Variants in CCDC154 observed in about 807,000 individuals in gnomAD.
CCDC154 encodes coiled-coil domain-containing protein 154.
A neutral mutation model predicts 87.5 loss-of-function variants in CCDC154; 91 were observed. The observed-to-expected ratio is 1.04, with a 90% CI of 0.88 to 1.24. The LOEUF is 1.24. Ranked by LOEUF, CCDC154 falls within the 50% of genes most tolerant of loss-of-function variation. The pLI, the probability that CCDC154 is intolerant of heterozygous loss-of-function variation, is 0.00. For synonymous variants in CCDC154, 418 were observed against 400.4 expected, an observed-to-expected ratio of 1.04 and a Z score of -0.52; for missense variants, 903 against 879.2, an observed-to-expected ratio of 1.03 and a Z score of -0.34.
Position 1,435,175 on chromosome 16 carries a change from A to G in CCDC154, c.1606T>C (p.Phe536Leu), listed in dbSNP as rs1289895466. ...TCCAGCTTCATTATTTGGTTCTGAA[A>G]CTAAACATGGCCCCCATTTGGGCAC... Reference protein sequence around the residue: ...IAEMQGKLATFQNQIMKLENC... With the variant: ...IAEMQGKLATLQNQIMKLENC... Residue 536 changes from phenylalanine (F) to leucine (L), a missense_variant and splice_region_variant, in exon 15 of 17, where the codon TTT (phenylalanine) becomes CTT (leucine). Phe to Leu is a conservative substitution (Grantham distance 22, BLOSUM62 0). Coordinates refer to ENST00000389176, the MANE Select transcript of CCDC154 (RefSeq NM_001143980.3). 1.2e-5 allele frequency: 19 copies of G among 1,550,330 alleles called. No homozygotes were observed. Among genetic ancestry groups the G allele is most frequent in the Admixed American group, 2.0e-5 (1 of 50,978 alleles).
rs2038531044 is a variant in CCDC154 at position 1,439,327 on chromosome 16, A to G, written c.676-201T>C. On this transcript the variant is annotated intron_variant, in intron 6 of 16. Coordinates refer to ENST00000389176, the MANE Select transcript of CCDC154 (RefSeq NM_001143980.3). ...TCTGTACCCAGACGACCAACCAGGC[A>G]TGGGTTTGTGAAGCATGAGAAGGCC... 10 of 594,802 alleles carry G rather than the reference A, an allele frequency of 1.7e-5. 1 individual carries two copies. In the South Asian group the frequency reaches 2.0e-4, roughly 12 times the overall value. 36.8% of individuals were successfully genotyped at this position (594,802 alleles called of 1,614,324 possible).
chr16:1,442,823 G>A, intron 5 of CCDC154, 57 bp downstream of exon 5: 7 of 1,478,448 alleles, frequency 4.7e-6, no homozygotes, highest in Non-Finnish European at 6.4e-6. Flanking sequence ...CTCAGCCAGG[G>A]ACTCTCAAAT....
chr16:1,435,874 G>A lies in CCDC154; in HGVS notation c.1605+95C>T, dbSNP rs557053267. ...TCTCCTGCTGGCTGGAAAATGCCCC[G>A]TAGGCTGGGGGTCCTGCCTCTCCGC... On this transcript the variant is annotated intron_variant, in intron 14 of 16. Coordinates refer to ENST00000389176, the MANE Select transcript of CCDC154 (RefSeq NM_001143980.3). 968 of 1,069,920 alleles carry A rather than the reference G, an allele frequency of 9.0e-4. 5 individuals carry two copies. In the Middle Eastern group the frequency reaches 0.016, roughly 18 times the overall value. 66.3% of individuals were successfully genotyped at this position (1,069,920 alleles called of 1,614,324 possible).
At chr16:1,439,834 A>G (rs915488876) in intron 6 of CCDC154, among the ~76,000 whole-genome samples, 1 of 152,164 alleles carries the variant, frequency 6.6e-6, no homozygotes, top group Non-Finnish European at 1.5e-5. Flanking sequence ...CATGTAAAAA[A>G]TGTTCCTGTG....
chr16:1,438,579 TC>T, intron 9 of CCDC154, 39 bp downstream of exon 9: 3 of 1,515,454 alleles, frequency 2.0e-6, no homozygotes, highest in Non-Finnish European at 1.8e-6. Context: ...ACATCAGGGG[TC>T]CCCCCGCCTG....
rs1189010266 is a variant in CCDC154, at chr16:1,444,508, C to A, written c.-186G>T. The A allele has an allele frequency of 8.5e-6, 4 of 469,858 alleles. No individual in the cohort carries two copies. Among genetic ancestry groups the A allele is most frequent in the African/African-American group, 8.2e-5 (4 of 48,586 alleles). The allele number at this position is 469,858 out of a possible 1,614,324, so 29.1% of individuals were successfully genotyped here. On this transcript the variant is annotated 5_prime_UTR_variant, in exon 1 of 17. Transcript: ENST00000389176. ...TGCCTTCTCAGGGTCCCCAGGGAGGCAGGTGTGGGGCAGCGGGGCCGTTCC... is the reference window on the plus strand; with the variant it reads ...TGCCTTCTCAGGGTCCCCAGGGAGGAAGGTGTGGGGCAGCGGGGCCGTTCC...
Position 1,434,706 on chromosome 16 carries a change from C to A in CCDC154, c.1839G>T (p.Val613=). ...ACACGCCCCAGCAGTTCATGGGCACCACCTTGCCAGGCGCCATGTCCTTGA... is the reference window on the plus strand; with the variant it reads ...ACACGCCCCAGCAGTTCATGGGCACAACCTTGCCAGGCGCCATGTCCTTGA... ...VFIKDMAPGK[V]VPMNCWGVYQ... Residue 613 remains valine (V), a synonymous_variant, in exon 16 of 17, where the codon GTG becomes GTT. Coordinates refer to ENST00000389176, the MANE Select transcript of CCDC154 (RefSeq NM_001143980.3). 1 of 1,547,014 alleles carries A rather than the reference C, an allele frequency of 6.5e-7. No homozygotes were observed. Among genetic ancestry groups the A allele is most frequent in the Non-Finnish European group, 8.7e-7 (1 of 1,146,806 alleles).
intron 11 of CCDC154, 69 bp from the exon 12 acceptor site, chr16:1,436,880 C>T (rs541671749): frequency 2.0e-5 from 31 of 1,535,844 alleles, no homozygotes; most frequent in South Asian, 1.3e-4. Flanking sequence ...AAGACGGACA[C>T]GGGGAGCTCT....
chr16:1,435,594 T>G (rs1430584054), intron 14 of CCDC154, among the ~76,000 whole-genome samples: 1 of 152,212 alleles, frequency 6.6e-6, no homozygotes, highest in Non-Finnish European at 1.5e-5. Flanking sequence ...GGCGCGATCT[T>G]GGCTCACCGC....
intron 14 of CCDC154, 79 bp downstream of exon 14, chr16:1,435,890 G>C: frequency 8.1e-7 from 1 of 1,229,268 alleles, no homozygotes; most frequent in Non-Finnish European, 1.1e-6. Context: ...TGGGGGTCCT[G>C]CCTCTCCGCA....
chr16:1,442,341 G>A (rs962399771), intron 6 of CCDC154, 65 bp downstream of exon 6: 66 of 1,471,070 alleles, frequency 4.5e-5, no homozygotes, highest in East Asian at 4.3e-4. Context: ...GGCACAGGCC[G>A]AGAGGGTTAG....
chr16:1,435,203 A>T, intron 14 of CCDC154, 28 bp from the exon 15 acceptor site: 4 of 1,542,166 alleles, frequency 2.6e-6, no homozygotes, highest in Non-Finnish European at 3.5e-6. Flanking sequence ...TTGGGCACAG[A>T]CAGGGCCAGT....
chr16:1,443,355 TG>T, intron 3 of CCDC154, 54 bp from the exon 4 acceptor site: 1 of 1,526,648 alleles, frequency 6.6e-7, no homozygotes, highest in South Asian at 1.2e-5. Flanking sequence ...GTCTGGCACC[TG>T]CCCCTGGAGT....
chr16:1,442,305 C>A (rs893101850), intron 6 of CCDC154, 101 bp downstream of exon 6: 24 of 1,291,830 alleles, frequency 1.9e-5, no homozygotes, highest in Middle Eastern at 4.4e-4. Context: ...GACACAGATA[C>A]ATGGTGAACG....
At chr16:1,436,908 C>T in intron 11 of CCDC154, 97 bp from the exon 12 acceptor site, 1 of 1,473,268 alleles carries the variant, frequency 6.8e-7, no homozygotes, top group Non-Finnish European at 9.2e-7. Flanking sequence ...AGGCGGCCCC[C>T]ACCCCCACTT....
chr16:1,442,821 G>T, intron 5 of CCDC154, 59 bp downstream of exon 5: 1 of 1,476,916 alleles, frequency 6.8e-7, no homozygotes, highest in Non-Finnish European at 9.2e-7. Context: ...GGCTCAGCCA[G>T]GGACTCTCAA....
Position 1,434,478 on chromosome 16 carries a change from C to T in CCDC154, c.1934G>A (p.Gly645Glu), listed in dbSNP as rs1272575853. 1 of 1,549,844 alleles carries T rather than the reference C, an allele frequency of 6.5e-7. No individual in the cohort carries two copies. The highest frequency in any genetic ancestry group is 1.4e-5 in the African/African-American group (1 of 73,036). Reference protein sequence around the residue: ...IKLRALRRPGGVLEKPHSQEQ... With the variant: ...IKLRALRRPGEVLEKPHSQEQ... ...CTGGCTGTGGGGCTTCTCCAGGACC[C>T]CTCCTGGCCTCCGCAGGGCCCTGAG... The change falls in exon 17 of 17, where the codon GGG becomes GAG. Residue 645 changes from glycine to glutamate, a missense_variant. Transcript: ENST00000389176.
chr16:1,442,462 G>A lies in CCDC154; in HGVS notation c.619C>T (p.Gln207Ter), dbSNP rs1461741687. 3 of 1,550,210 alleles carry A rather than the reference G, an allele frequency of 1.9e-6. No homozygotes were observed. The highest frequency in any genetic ancestry group is 1.7e-6 in the Non-Finnish European group (2 of 1,146,824). ...CGGCTGCTGTCCTCTTGGTTCTTCT[G>A]CAGGGCGCCGCAGGCCACCTCCCGG... is the stretch of plus-strand genomic sequence containing the variant. ...QGREVACGALQKNQEDSSRRV... is the reference protein window; with the variant it reads ...QGREVACGAL Residue 207 changes from glutamine (Q) to a stop codon, truncating the protein, a stop_gained, in exon 6 of 17, where the codon CAG (glutamine) becomes TAG (stop). Transcript: ENST00000389176. LOFTEE classifies it high-confidence loss of function.
chr16:1,444,346 C>G lies in CCDC154; in HGVS notation c.-24G>C, dbSNP rs1420760490. 1 of 1,300,766 alleles carries G rather than the reference C, an allele frequency of 7.7e-7. No homozygotes were observed. The highest frequency in any genetic ancestry group is 1.0e-6 in the Non-Finnish European group (1 of 988,772). The allele number at this position is 1,300,766 out of a possible 1,614,324, so 80.6% of individuals were successfully genotyped here. A position where few individuals can be genotyped will look rare whatever the true frequency, so the allele number is the denominator to read the frequency against. On this transcript the variant is annotated 5_prime_UTR_variant, in exon 1 of 17. Transcript: ENST00000389176. ...ATGGCTGCTGGGCTGCACCGGCCACCCTGCCCTCGGCTGTAGCTTGGGCCT... is the reference window on the plus strand; with the variant it reads ...ATGGCTGCTGGGCTGCACCGGCCACGCTGCCCTCGGCTGTAGCTTGGGCCT...
Sources: allele counts gnomAD v4.1 joint callset (sites outside exome capture counted in the v4.1 genomes callset), GRCh38; gene constraint gnomAD v4.1.1; transcripts MANE v1.5; gene names NCBI Gene and HGNC (gene_info 2026-07-23, HGNC 2026-07-21).